The following USP54 variants were observed in gnomAD, a reference collection of about 807,000 sequenced individuals.
USP54 encodes ubiquitin carboxyl-terminal hydrolase 54.
USP54 carries 87 observed loss-of-function variants against 170.5 expected under a neutral mutation model. The ratio of observed to expected loss-of-function variants is 0.51; its 90% CI spans 0.43 to 0.61. The LOEUF is 0.61. Ranked by LOEUF, USP54 falls within the 20% of genes least tolerant of loss-of-function variation. The pLI is 0.00. For missense variants in USP54, 1,786 were observed against 2,047.8 expected, an observed-to-expected ratio of 0.87 and a Z score of 2.47; for synonymous variants, 655 against 742.8, an observed-to-expected ratio of 0.88 and a Z score of 1.92.
At chr10:73,533,861 T>C (rs978452539) in intron 12 of USP54, among the ~76,000 whole-genome samples, 2 of 152,208 alleles carry the variant, frequency 1.3e-5, no homozygotes, top group South Asian at 2.1e-4. Context: ...CAAGCTGACA[T>C]GCAGTTGTCC....
intron 10 of USP54, 48 bp downstream of exon 10, chr10:73,539,396 T>C (rs1324792987): frequency 6.9e-7 from 1 of 1,456,228 alleles, no homozygotes; most frequent in East Asian, 2.3e-5. Flanking sequence ...GATTATTCTT[T>C]TTTTTTGTAG....
At chr10:73,560,437 A>G (rs372028241) in intron 4 of USP54, among the ~76,000 whole-genome samples, 17 of 151,006 alleles carry the variant, frequency 1.1e-4, no homozygotes, top group African/African-American at 3.6e-4. Context: ...GGCGGATCAC[A>G]AGGTCAGGAG....
chr10:73,525,495 T>C (rs1301361371), intron 16 of USP54, among the ~76,000 whole-genome samples: 2 of 152,200 alleles, frequency 1.3e-5, no homozygotes, highest in Non-Finnish European at 2.9e-5. Context: ...TGGTCCAGAA[T>C]TGAGGACTAT....
At position 73,516,402 on chromosome 10, in the gene USP54, T is replaced by C. The variant is rs760716806; in HGVS notation, c.4024A>G (p.Thr1342Ala). The stretch of plus-strand genomic sequence containing the variant: ...GTTTGGCTAAGTGGGTGCCAGGCGG[T>C]ATCCTGCTGCCCCCATCCAGAACAG... ...AGCSGWGQQD[T>A]AWHPLSQTGS... The change falls in exon 20 of 24, where the codon ACC (threonine) becomes GCC (alanine). Residue 1342 changes from threonine to alanine, a missense_variant. Around this residue, in one of 3 missense-constraint regions of USP54, gnomAD observed 1,418 missense variants for 1,569.0 expected, o/e 0.90. Transcript: ENST00000687698. The C allele has an allele frequency of 6.2e-7, 1 of 1,612,612 alleles. No homozygotes were observed. The highest frequency in any genetic ancestry group is 1.7e-5 in the Admixed American group (1 of 59,832).
chr10:73,551,519 C>G (rs2069348366), intron 4 of USP54, among the ~76,000 whole-genome samples: 1 of 152,052 alleles, frequency 6.6e-6, no homozygotes, highest in Non-Finnish European at 1.5e-5. Flanking sequence ...GATTTTGAAC[C>G]TTTGGAGAAA....
At chr10:73,542,435 T>C (rs1378679178) in intron 7 of USP54, among the ~76,000 whole-genome samples, 1 of 151,798 alleles carries the variant, frequency 6.6e-6, no homozygotes, top group African/African-American at 2.4e-5. Flanking sequence ...CCAATTAAAG[T>C]CCAATAGGCC....
chr10:73,505,078 G>A, intron 21 of USP54, 88 bp from the exon 22 acceptor site: 1 of 1,575,222 alleles, frequency 6.3e-7, no homozygotes, highest in Non-Finnish European at 8.7e-7. Context: ...ATGGGAAAGA[G>A]TAGGGGAAGA....
intron 4 of USP54, among the ~76,000 whole-genome samples, chr10:73,561,284 T>TG (rs2072970171): frequency 6.6e-6 from 1 of 152,082 alleles, no homozygotes; most frequent in African/African-American, 2.4e-5. Context: ...CCATGCTAAA[T>TG]ACTATTAAGT....
chr10:73,523,968 C>T (rs989382548), intron 16 of USP54, among the ~76,000 whole-genome samples: 9 of 149,728 alleles, frequency 6.0e-5, no homozygotes, highest in Middle Eastern at 3.5e-3. Flanking sequence ...AGTGCAATGG[C>T]GCAATCTTGG....
In USP54 at chr10:73,517,022, T is replaced by C; in HGVS notation, c.3404A>G (p.Gln1135Arg). ...TKGLVRSLAE[Q>R]FQRMQGVSMR... The stretch of plus-strand genomic sequence containing the variant: ...GGAGACACCCTGCATCCTCTGGAAC[T>C]GCTCAGCCAGAGAACGGACAAGCCC... Residue 1135 changes from glutamine to arginine, a missense_variant, in exon 20 of 24, where the codon CAG (glutamine) becomes CGG (arginine). Around this residue, in one of 3 missense-constraint regions of USP54, gnomAD observed 1,418 missense variants for 1,569.0 expected, o/e 0.90. Transcript: ENST00000687698. 6.2e-7 allele frequency: 1 copy of C among 1,614,228 alleles called. No individual in the cohort carries two copies. Among genetic ancestry groups the C allele is most frequent in the Non-Finnish European group, 8.5e-7 (1 of 1,180,034 alleles).
intron 19 of USP54, 72 bp downstream of exon 19, chr10:73,519,725 C>T: frequency 6.3e-7 from 1 of 1,595,562 alleles, no homozygotes. Context: ...ACAATGAGAG[C>T]TCTTGCTACA....
chr10:73,558,310 T>C (rs182278928), intron 4 of USP54, among the ~76,000 whole-genome samples: 2 of 152,288 alleles, frequency 1.3e-5, no homozygotes, highest in East Asian at 3.9e-4. Context: ...GAATTTGCTG[T>C]AGGGACTTAG....
chr10:73,509,290 A>C (rs998549965), intron 20 of USP54, among the ~76,000 whole-genome samples: 1 of 151,690 alleles, frequency 6.6e-6, no homozygotes, highest in Non-Finnish European at 1.5e-5. Flanking sequence ...GTATAATAAT[A>C]TTATTGGTTT....
intron 11 of USP54, among the ~76,000 whole-genome samples, chr10:73,535,152 A>G (rs1259425600): frequency 6.6e-6 from 1 of 152,210 alleles, no homozygotes; most frequent in Non-Finnish European, 1.5e-5. Flanking sequence ...CCTATCCCAT[A>G]ATCTTTCTCC....
intron 3 of USP54, among the ~76,000 whole-genome samples, chr10:73,574,712 G>T (rs1315903068): frequency 2.0e-5 from 3 of 152,034 alleles, no homozygotes; most frequent in Non-Finnish European, 4.4e-5. Flanking sequence ...AAGAGGCAGA[G>T]GTTGCAGTGA....
chr10:73,532,818 G>GA (rs535493084), intron 12 of USP54, among the ~76,000 whole-genome samples: 37 of 151,594 alleles, frequency 2.4e-4, no homozygotes, highest in African/African-American at 8.0e-4. Flanking sequence ...AAATTGCAAG[G>GA]AAAAAAAATA....
At chr10:73,586,825 C>G (rs1003791601) in intron 1 of USP54, among the ~76,000 whole-genome samples, 1 of 152,174 alleles carries the variant, frequency 6.6e-6, no homozygotes, top group Non-Finnish European at 1.5e-5. Context: ...AACTCTCCAG[C>G]GAATAGTTAC....
intron 20 of USP54, among the ~76,000 whole-genome samples, chr10:73,514,046 A>C (rs1389270871): frequency 6.6e-6 from 1 of 151,960 alleles, no homozygotes. Context: ...TGAACTCCTG[A>C]CCTTGGGTGA....
Position 73,551,250 on chromosome 10 carries a change from A to G in USP54, c.241-5578T>C, listed in dbSNP as rs187930150. Among the ~76,000 whole-genome samples the G allele has an allele frequency of 1.8e-3, 278 of 152,326 alleles. 1 individual carries two copies. Among genetic ancestry groups the G allele is most frequent in the African/African-American group, 5.9e-3 (244 of 41,580 alleles). ...TACAAATGTCTCCATATGATGTGGG[A>G]GAGGCAGTGCCAGCAATACATATTT... On this transcript the variant is annotated intron_variant, in intron 4 of 23. Coordinates refer to ENST00000687698, the MANE Select transcript of USP54 (RefSeq NM_001391956.1).
Sources: allele counts gnomAD v4.1 joint callset (sites outside exome capture counted in the v4.1 genomes callset), GRCh38; gene constraint gnomAD v4.1.1; regional missense constraint gnomAD v4.1.1; transcripts MANE v1.5; gene names NCBI Gene and HGNC (gene_info 2026-07-23, HGNC 2026-07-21).